The following MALRD1 variants were observed in gnomAD, a reference collection of about 807,000 sequenced individuals.
MALRD1 encodes the protein MAM and LDL-receptor class A domain-containing protein 1.
Under a neutral mutation model 242.1 loss-of-function variants are expected in MALRD1, and 247 were observed. The ratio of observed to expected loss-of-function variants is 1.02; its 90% confidence interval spans 0.92 to 1.13. The LOEUF (loss-of-function observed/expected upper bound fraction) is 1.13. Among genes scored for constraint, MALRD1 ranks in the 50% most tolerant of loss-of-function variants. MALRD1 has a pLI of 0.00. For synonymous variants in MALRD1, 995 were observed against 866.6 expected, an observed-to-expected ratio of 1.15 and a Z score of -2.60; for missense variants, 2,989 against 2,533.1, an observed-to-expected ratio of 1.18 and a Z score of -3.86.
chr10:19,523,991 A>T (rs933757494), intron 31 of MALRD1, among the ~76,000 whole-genome samples: 1 of 152,224 alleles, frequency 6.6e-6, no homozygotes, highest in Non-Finnish European at 1.5e-5. Flanking sequence ...AATTTATGAC[A>T]TTTAAAAGAA....
At chr10:19,332,528 CAAGT>C (rs1454842199) in intron 24 of MALRD1, among the ~76,000 whole-genome samples, 1 of 152,094 alleles carries the variant, frequency 6.6e-6, no homozygotes, top group Non-Finnish European at 1.5e-5. Flanking sequence ...CATTTAACTG[CAAGT>C]GAGTTGTATA....
chr10:19,378,610 C>A (rs1845704467), intron 26 of MALRD1, among the ~76,000 whole-genome samples: 1 of 151,896 alleles, frequency 6.6e-6, no homozygotes, highest in Non-Finnish European at 1.5e-5. Flanking sequence ...TTGTGATTTT[C>A]CCTTCATTTT....
At chr10:19,221,856 G>T (rs980628832) in intron 18 of MALRD1, among the ~76,000 whole-genome samples, 1 of 151,872 alleles carries the variant, frequency 6.6e-6, no homozygotes, top group Non-Finnish European at 1.5e-5. Context: ...TATAACCTAC[G>T]TTGAAAAGAA....
In MALRD1 at chr10:19,238,445, ACAT is replaced by A. The variant is rs1564492432; in HGVS notation, c.2992-19238_2992-19236del. ...ATACATTATATATAATATATAATAT[ACAT>A]TATATATAATATATAATATAATATA... On this transcript the variant is annotated intron_variant, in intron 18 of 39. Coordinates refer to ENST00000454679, the MANE Select transcript of MALRD1 (RefSeq NM_001142308.3). Among the ~76,000 whole-genome samples the A allele has an allele frequency of 1.1e-3, 62 of 55,286 alleles. 4 individuals are homozygous for A. The highest frequency in any genetic ancestry group is 3.9e-3 in the African/African-American group (50 of 12,688). 36.3% of individuals were successfully genotyped at this position (55,286 alleles called of 152,430 possible).
intron 5 of MALRD1, among the ~76,000 whole-genome samples, chr10:19,108,836 G>A (rs1836570949): frequency 6.6e-6 from 1 of 152,144 alleles, no homozygotes; most frequent in African/African-American, 2.4e-5. Flanking sequence ...GTGGGGGTCA[G>A]GTACTGGAGA....
At chr10:19,513,958 C>G (rs749468639) in intron 31 of MALRD1, among the ~76,000 whole-genome samples, 3 of 152,074 alleles carry the variant, frequency 2.0e-5, no homozygotes, top group East Asian at 1.9e-4. Context: ...TCTGAGAATT[C>G]TTACCTAGTC....
At chr10:19,639,959 G>C (rs908916653) in intron 36 of MALRD1, among the ~76,000 whole-genome samples, 1 of 152,136 alleles carries the variant, frequency 6.6e-6, no homozygotes, top group Non-Finnish European at 1.5e-5. Flanking sequence ...CCACAGCAAA[G>C]CTGTGCAGGT....
Position 19,692,282 on chromosome 10 carries a change from A to T in MALRD1, c.6138A>T (p.Arg2046=), listed in dbSNP as rs1340031917. The change falls in exon 37 of 40, where the codon CGA becomes CGT. Residue 2046 remains arginine, a splice_region_variant and synonymous_variant. Coordinates refer to ENST00000454679, the MANE Select transcript of MALRD1 (RefSeq NM_001142308.3). Reference sequence around the variant, plus strand: ...CTATTTTATTTTATCTCCTTTCCAGATGTAGACAAGGCTGGAAAGGAAATC... The same window carrying T: ...CTATTTTATTTTATCTCCTTTCCAGTTGTAGACAAGGCTGGAAAGGAAATC... ...CVVEKNGPMC[R]CRQGWKGNRC... is the part of the protein sequence containing the mutation. The T allele has an allele frequency of 2.6e-6, 4 of 1,532,308 alleles. No individual in the cohort carries two copies. Among genetic ancestry groups the T allele is most frequent in the East Asian group, 2.4e-5 (1 of 40,822 alleles). The allele number at this position is 1,532,308 out of a possible 1,614,324, so 94.9% of individuals were successfully genotyped here. A position where few individuals can be genotyped will look rare whatever the true frequency, so the allele number is the denominator to read the frequency against.
chr10:19,429,177 C>T (rs1166295972), intron 28 of MALRD1, among the ~76,000 whole-genome samples: 3 of 152,268 alleles, frequency 2.0e-5, no homozygotes, highest in African/African-American at 7.2e-5. Flanking sequence ...GTTATCTTCA[C>T]GTTACAACTG....
intron 36 of MALRD1, among the ~76,000 whole-genome samples, chr10:19,632,640 A>G (rs1442255546): frequency 6.6e-6 from 1 of 152,102 alleles, no homozygotes; most frequent in East Asian, 1.9e-4. Flanking sequence ...TCAGAAACAA[A>G]TCTATGTTTC....
chr10:19,349,744 T>C (rs1402680450), intron 25 of MALRD1, among the ~76,000 whole-genome samples: 3 of 152,192 alleles, frequency 2.0e-5, no homozygotes, highest in Non-Finnish European at 4.4e-5. Flanking sequence ...CACAAATTCA[T>C]TTTAGTCTTA....
At chr10:19,271,047 T>C (rs977178812) in intron 19 of MALRD1, among the ~76,000 whole-genome samples, 10 of 152,150 alleles carry the variant, frequency 6.6e-5, no homozygotes, top group African/African-American at 2.4e-4. Context: ...CTGGGAAGTA[T>C]AGAATTACTT....
chr10:19,274,658 A>C (rs1840416101), intron 19 of MALRD1, among the ~76,000 whole-genome samples: 1 of 152,202 alleles, frequency 6.6e-6, no homozygotes, highest in Admixed American at 6.5e-5. Flanking sequence ...GTGTTATAGC[A>C]GCCTGAACTG....
At chr10:19,686,019 T>C (rs1288591376) in intron 36 of MALRD1, among the ~76,000 whole-genome samples, 1 of 152,106 alleles carries the variant, frequency 6.6e-6, no homozygotes. Context: ...CCTAAGTATG[T>C]TACTGTAGGC....
At chr10:19,296,578 A>C (rs375532683) in intron 21 of MALRD1, among the ~76,000 whole-genome samples, 16 of 152,246 alleles carry the variant, frequency 1.1e-4, no homozygotes, top group East Asian at 9.7e-4. Context: ...TAAGTGTTAA[A>C]AGGAAATGGA....
chr10:19,684,567 T>G (rs1007040340), intron 36 of MALRD1, among the ~76,000 whole-genome samples: 17 of 151,976 alleles, frequency 1.1e-4, no homozygotes, highest in Admixed American at 1.0e-3. Flanking sequence ...ACCAGCCTGG[T>G]CAACATGGCG....
intron 4 of MALRD1, among the ~76,000 whole-genome samples, chr10:19,099,462 T>A (rs1048731940): frequency 6.6e-6 from 1 of 152,136 alleles, no homozygotes; most frequent in Admixed American, 6.5e-5. Flanking sequence ...CTTAAAATGT[T>A]TGGGGTGAAA....
intron 30 of MALRD1, among the ~76,000 whole-genome samples, chr10:19,493,807 G>A (rs947221609): frequency 8.1e-5 from 12 of 147,284 alleles, no homozygotes; most frequent in African/African-American, 2.2e-4. Flanking sequence ...AGTGAGACTC[G>A]TCTCAAAAAA....
rs572871683 is a variant in MALRD1, at chr10:19,466,537, G to A, written c.5029+16047G>A. ...TAACTTTCTCACAGTTCTGGAGGCTGGAAGTCCAGGATCAAAGTGTTAGCA... is the reference window on the plus strand; with the variant it reads ...TAACTTTCTCACAGTTCTGGAGGCTAGAAGTCCAGGATCAAAGTGTTAGCA... On this transcript the variant is annotated intron_variant, in intron 29 of 39. Transcript: ENST00000454679. 2.0e-5 allele frequency among the ~76,000 whole-genome samples: 3 copies of A among 152,266 alleles called. No homozygotes were observed. The East Asian group carries it at 5.8e-4, about 29-fold the overall frequency.
Sources: gnomAD v4.1 joint callset for allele counts (sites outside exome capture counted in the v4.1 genomes callset) on GRCh38, gnomAD v4.1.1 for gene constraint, MANE v1.5 for transcripts, NCBI Gene and HGNC (gene_info 2026-07-23, HGNC 2026-07-21) for gene names.